The following CDHR3 variants were observed in gnomAD, a reference collection of about 807,000 sequenced individuals.
CDHR3 encodes cadherin-related family member 3.
In CDHR3, 79 loss-of-function variants were observed where a neutral mutation model predicts 86.6. That is an observed-to-expected ratio of 0.91 (90% CI 0.76 to 1.10). CDHR3 has a LOEUF of 1.10. CDHR3 is among the 50% of genes least tolerant of loss of function. CDHR3 has a pLI of 0.00. For missense variants in CDHR3, 1,081 were observed against 1,077.6 expected (o/e 1.00, Z -0.04); for synonymous variants, 421 against 402.4 (o/e 1.05, Z -0.55).
At chr7:105,985,976 C>A (rs1830464941) in intron 4 of CDHR3, among the ~76,000 whole-genome samples, 1 of 152,222 alleles carries the variant, frequency 6.6e-6, no homozygotes, top group Non-Finnish European at 1.5e-5. Context: ...TTCTATTTTT[C>A]TAACCAGAGC....
At chr7:105,989,032 G>A (rs996493777) in intron 4 of CDHR3, among the ~76,000 whole-genome samples, 1 of 152,142 alleles carries the variant, frequency 6.6e-6, no homozygotes, top group Non-Finnish European at 1.5e-5. Flanking sequence ...TACTGCATTG[G>A]CCAGGCACAG....
chr7:106,015,504 C>T (rs186999303), intron 10 of CDHR3, among the ~76,000 whole-genome samples: 70 of 152,220 alleles, frequency 4.6e-4, no homozygotes, highest in Non-Finnish European at 8.2e-4. Flanking sequence ...TCGGTTGCTG[C>T]TTAATTCTCC....
At position 106,015,981 on chromosome 7, in the gene CDHR3, T is replaced by C; in HGVS notation, c.1382T>C (p.Phe461Ser). The change falls in exon 11 of 19, where the codon TTT becomes TCT. Residue 461 changes from phenylalanine (F) to serine (S), a missense_variant. Coordinates refer to ENST00000317716, the MANE Select transcript of CDHR3 (RefSeq NM_152750.5). The part of the protein sequence containing the change: ...TSPENEFPLI[F>S]DRPSYVFDVS... ...CCAGAAAATGAGTTTCCTCTCATTT[T>C]TGATAGGCCATCCTATGTATTTGAT... 2.5e-6 allele frequency: 4 copies of C among 1,613,288 alleles called. No homozygotes were observed. The highest frequency in any genetic ancestry group is 3.4e-6 in the Non-Finnish European group (4 of 1,179,580).
rs1835719131 is a variant in CDHR3 at position 106,016,910 on chromosome 7, C to T, written c.1426+885C>T. Among the ~76,000 whole-genome samples the T allele has an allele frequency of 1.3e-5, 2 of 152,154 alleles. 1 individual carries two copies. The highest frequency in any genetic ancestry group is 2.9e-5 in the Non-Finnish European group (2 of 68,018). On this transcript the variant is annotated intron_variant, in intron 11 of 18. Coordinates refer to ENST00000317716, the MANE Select transcript of CDHR3 (RefSeq NM_152750.5). ...CTTTTTGATCACCTACTTTGGGTTA[C>T]AAACTTAGTGCTGGGATACAGAATT...
Position 105,963,276 on chromosome 7 carries a change from G to T in CDHR3, c.-43G>T. On this transcript the variant is annotated 5_prime_UTR_variant, in exon 1 of 19. Transcript: ENST00000317716. ...TTGGGTGTGAGACGGGATTCAGGCTGTGGCTAATGTGCTGGAAGCACGCAC... is the reference window on the plus strand; with the variant it reads ...TTGGGTGTGAGACGGGATTCAGGCTTTGGCTAATGTGCTGGAAGCACGCAC... 5.6e-6 allele frequency: 9 copies of T among 1,604,524 alleles called. No homozygotes were observed. Among genetic ancestry groups the T allele is most frequent in the Non-Finnish European group, 6.8e-6 (8 of 1,171,708 alleles).
chr7:105,984,182 A>G lies in CDHR3; in HGVS notation c.416-10A>G. 1 of 1,510,814 alleles carries G rather than the reference A, an allele frequency of 6.6e-7. No homozygotes were observed. 93.6% of individuals were successfully genotyped at this position (1,510,814 alleles called of 1,614,324 possible). A position where few individuals can be genotyped will look rare whatever the true frequency, so the allele number is the denominator to read the frequency against. ...AGATGTTTCTTATTCCACTTTGGACACTGGTCTAGGTCTACACCTCTACAT... is the reference window on the plus strand; with the variant it reads ...AGATGTTTCTTATTCCACTTTGGACGCTGGTCTAGGTCTACACCTCTACAT... On this transcript the variant is annotated splice_polypyrimidine_tract_variant and intron_variant, in intron 3 of 18. Coordinates refer to ENST00000317716, the MANE Select transcript of CDHR3 (RefSeq NM_152750.5).
chr7:106,018,014 C>T lies in CDHR3; in HGVS notation c.1595C>T (p.Thr532Ile), dbSNP rs73195662. ...GTAACTAAAGTGGACTGTGAAACAA[C>T]CCCCATCTATATTCTCAGAATCCAG... is the stretch of plus-strand genomic sequence containing the variant. ...QLVTKVDCET[T>I]PIYILRIQAT... Residue 532 changes from threonine (T) to isoleucine (I), a missense_variant, in exon 12 of 19, where the codon ACC (threonine) becomes ATC (isoleucine). By Grantham distance (89) the Thr-to-Ile change is moderately conservative. Transcript: ENST00000317716. 7.4e-6 allele frequency: 12 copies of T among 1,613,714 alleles called. No individual in the cohort carries two copies. The South Asian group carries it at 1.2e-4, about 16-fold the overall frequency.
rs1362802664 is a variant in CDHR3 at position 106,035,349 on chromosome 7, GAGAGAAC to G, written c.*2654_*2660del. Reference sequence around the variant, plus strand: ...AATAGGGGCAAGAGTGCGCCAGGAGGAGAGAACACCTGCTGCCCCGTTTCTTTTGTAT... The same window carrying G: ...AATAGGGGCAAGAGTGCGCCAGGAGGACCTGCTGCCCCGTTTCTTTTGTAT... On this transcript the variant is annotated 3_prime_UTR_variant, in exon 19 of 19. Coordinates refer to ENST00000317716, the MANE Select transcript of CDHR3 (RefSeq NM_152750.5). Among the ~76,000 whole-genome samples the G allele has an allele frequency of 1.3e-5, 2 of 152,194 alleles. No homozygotes were observed. Among genetic ancestry groups the G allele is most frequent in the East Asian group, 3.9e-4 (2 of 5,176 alleles).
At chr7:105,969,541 T>C (rs1441334165) in intron 1 of CDHR3, among the ~76,000 whole-genome samples, 1 of 152,182 alleles carries the variant, frequency 6.6e-6, no homozygotes, top group East Asian at 1.9e-4. Context: ...GGACCTTCTG[T>C]GGGTTCTGCC....
At chr7:105,973,072 C>G (rs1009265100) in intron 1 of CDHR3, among the ~76,000 whole-genome samples, 2 of 152,124 alleles carry the variant, frequency 1.3e-5, no homozygotes, top group African/African-American at 4.8e-5. Context: ...CTGTCCCTAC[C>G]CACTCCGTGC....
intron 1 of CDHR3, among the ~76,000 whole-genome samples, chr7:105,973,799 T>C (rs912648787): frequency 1.3e-5 from 2 of 152,098 alleles, no homozygotes; most frequent in African/African-American, 4.8e-5. Context: ...AAACCTCGTC[T>C]CTACTAAAAA....
In CDHR3 at chr7:106,035,129, C is replaced by A. The variant is rs1838810476; in HGVS notation, c.*2432C>A. 6.6e-6 allele frequency among the ~76,000 whole-genome samples: 1 copy of A among 151,700 alleles called. No homozygotes were observed. Among genetic ancestry groups the A allele is most frequent in the Middle Eastern group, 3.4e-3 (1 of 294 alleles). ...ATTAAAAGGAGAGAGTGGTGAGCAG[C>A]TGGTCTTTCTTCTCCAGTGATGACA... On this transcript the variant is annotated 3_prime_UTR_variant, in exon 19 of 19. Transcript: ENST00000317716.
intron 3 of CDHR3, among the ~76,000 whole-genome samples, chr7:105,981,590 A>G (rs1227932024): frequency 5.9e-5 from 9 of 152,174 alleles, no homozygotes; most frequent in Non-Finnish European, 1.3e-4. Context: ...ATCTCCCCCA[A>G]GCTCATGGCT....
Position 106,017,832 on chromosome 7 carries a change from C to G in CDHR3, c.1427-14C>G, listed in dbSNP as rs745595182. ...TTAAAAGCAGGACTTATTGCAGGTA[C>G]TTTATTCCTCCAGCCAGAACCCGAG... On this transcript the variant is annotated splice_polypyrimidine_tract_variant and intron_variant, in intron 11 of 18. Coordinates refer to ENST00000317716, the MANE Select transcript of CDHR3 (RefSeq NM_152750.5). 48 of 1,553,898 alleles carry G rather than the reference C, an allele frequency of 3.1e-5. No individual in the cohort carries two copies. The South Asian group carries it at 4.5e-4, about 15-fold the overall frequency.
chr7:106,015,547 C>G (rs191762464), intron 10 of CDHR3, among the ~76,000 whole-genome samples: 85 of 152,052 alleles, frequency 5.6e-4, no homozygotes, highest in African/African-American at 2.0e-3. Context: ...TTCCAAGCCC[C>G]CATTTTTTTC....
rs146892258 is a variant in CDHR3, at chr7:106,027,065, A to G, written c.2272+370A>G. On this transcript the variant is annotated intron_variant, in intron 16 of 18. Coordinates refer to ENST00000317716, the MANE Select transcript of CDHR3 (RefSeq NM_152750.5). ...GCAGCCCATGGAGGGTGTCCTGAGG[A>G]CAGCTAATGCTTTGTGCTGGACACA... 1.6e-3 allele frequency among the ~76,000 whole-genome samples: 251 copies of G among 152,330 alleles called. 1 individual carries two copies. Among genetic ancestry groups the G allele is most frequent in the African/African-American group, 5.6e-3 (231 of 41,578 alleles).
chr7:105,974,761 A>T, intron 1 of CDHR3, 83 bp from the exon 2 acceptor site: 1 of 1,088,360 alleles, frequency 9.2e-7, no homozygotes, highest in African/African-American at 1.5e-5. Context: ...CTACGAATTG[A>T]AGCCACAAAC....
intron 2 of CDHR3, among the ~76,000 whole-genome samples, chr7:105,980,597 T>G (rs1829520764): frequency 1.0e-5 from 1 of 98,380 alleles, no homozygotes; most frequent in Non-Finnish European, 2.1e-5. Flanking sequence ...TTTTTTTTTT[T>G]TTTTTTTTAA....
At chr7:105,982,489 A>G (rs889979353) in intron 3 of CDHR3, among the ~76,000 whole-genome samples, 3 of 150,796 alleles carry the variant, frequency 2.0e-5, no homozygotes, top group Non-Finnish European at 4.4e-5. Flanking sequence ...AAGAAAAAAA[A>G]AAAAAAGAAC....
Sources: gnomAD v4.1 joint callset for allele counts (sites outside exome capture counted in the v4.1 genomes callset) on GRCh38, gnomAD v4.1.1 for gene constraint, MANE v1.5 for transcripts, NCBI Gene and HGNC (gene_info 2026-07-23, HGNC 2026-07-21) for gene names.